The following TAF1 variants were observed in gnomAD, a reference collection of about 807,000 sequenced individuals.
TAF1 encodes the protein transcription initiation factor TFIID subunit 1.
Under a neutral mutation model 138.5 loss-of-function variants are expected in TAF1, and 2 were observed. That is an observed-to-expected ratio of 0.01 (90% CI 0.01 to 0.05). The LOEUF (loss-of-function observed/expected upper bound fraction) is 0.05, where lower values mean the gene tolerates loss of function less well. TAF1 is among the 10% of genes least tolerant of loss of function. TAF1 has a pLI of 1.00. For synonymous variants in TAF1, 437 were observed against 503.2 expected, an observed-to-expected ratio of 0.87 and a Z score of 1.76; for missense variants, 709 against 1,478.0, an observed-to-expected ratio of 0.48 and a Z score of 8.53.
intron 33 of TAF1, 45 bp downstream of exon 33, chrX:71,454,282 G>A (rs933213097): frequency 9.0e-7 from 1 of 1,112,109 alleles, no homozygotes; most frequent in Admixed American, 2.3e-5. Flanking sequence ...AACATAAGGA[G>A]ACCCCATCTT....
At chrX:71,497,632 T>G (rs2039420504) in intron 13 of TAF1, among the ~76,000 whole-genome samples, 1 of 111,584 alleles carries the variant, frequency 9.0e-6, no homozygotes, top group African/African-American at 3.3e-5. Flanking sequence ...CAAGAGCTAT[T>G]CCTGCTCTCT....
chrX:71,403,016 G>A (rs1472922609), intron 25 of TAF1, among the ~76,000 whole-genome samples: 3 of 108,998 alleles, frequency 2.8e-5, no homozygotes, highest in Middle Eastern at 4.7e-3. Flanking sequence ...TACCTTTTAT[G>A]TTTTCCTTTT....
At chrX:71,409,015 A>G (rs1177464815) in intron 28 of TAF1, among the ~76,000 whole-genome samples, 4 of 104,455 alleles carry the variant, frequency 3.8e-5, no homozygotes, top group Non-Finnish European at 5.9e-5. Context: ...CTCCGTCTCA[A>G]AAAAAAAAAA....
chrX:71,372,430 C>G (rs2033128609), intron 3 of TAF1, among the ~76,000 whole-genome samples: 1 of 42,659 alleles, frequency 2.3e-5, no homozygotes, highest in Non-Finnish European at 4.0e-5. Context: ...GAAACTCTGC[C>G]TCAAAAAAAA....
chrX:71,366,600 G>A (rs2032513578), intron 1 of TAF1, 106 bp downstream of exon 1: 2 of 834,514 alleles, frequency 2.4e-6, no homozygotes, highest in South Asian at 2.6e-5. Flanking sequence ...ACAGGGCGCA[G>A]CTAACGCCGG....
At chrX:71,467,618 G>A (rs866491777), downstream of TAF1, among the ~76,000 whole-genome samples, 4 of 111,510 alleles carry the variant, frequency 3.6e-5, no homozygotes, top group Middle Eastern at 4.6e-3. Flanking sequence ...AAACATTTTT[G>A]TAGGTCAAAA....
Position 71,423,965 on chromosome X carries a change from A to G in TAF1, c.4576-9A>G, listed in dbSNP as rs2036476944. ...TTCCATTTAATTTCTTATGCTTTCT[A>G]TTTACTAGTCTTGGCCATTTCATCA... On this transcript the variant is annotated splice_polypyrimidine_tract_variant and intron_variant, in intron 30 of 37. Coordinates refer to ENST00000423759, the MANE Select transcript of TAF1 (RefSeq NM_004606.5). 3.4e-6 allele frequency: 4 copies of G among 1,178,171 alleles called. No homozygotes were observed. The highest frequency in any genetic ancestry group is 6.0e-5 in the East Asian group (2 of 33,428).
downstream of TAF1, among the ~76,000 whole-genome samples, chrX:71,469,981 G>A (rs1468248264): frequency 1.8e-5 from 2 of 111,892 alleles, no homozygotes; most frequent in African/African-American, 6.5e-5. Flanking sequence ...GATTACAGGC[G>A]TGAGCCACCG....
chrX:71,486,396 T>C (rs1272462142), intron 13 of TAF1, among the ~76,000 whole-genome samples: 1 of 110,215 alleles, frequency 9.1e-6, no homozygotes, highest in Non-Finnish European at 1.9e-5. Flanking sequence ...TCTTGCTCTG[T>C]CACCCACGCT....
intron 13 of TAF1, among the ~76,000 whole-genome samples, chrX:71,514,936 T>A (rs1364206319): frequency 1.8e-5 from 2 of 111,653 alleles, no homozygotes; most frequent in Non-Finnish European, 3.8e-5. Context: ...TGACGCTAAG[T>A]GTGAGTACAG....
At chrX:71,429,636 G>C (rs1459617319) in intron 32 of TAF1, among the ~76,000 whole-genome samples, 1 of 111,374 alleles carries the variant, frequency 9.0e-6, no homozygotes, top group Non-Finnish European at 1.9e-5. Flanking sequence ...GTACCTGAAT[G>C]TATCATTCTG....
In TAF1 at chrX:71,520,689, C is replaced by CA. The variant is rs1234838881; in HGVS notation, c.1367-7840dup. Among the ~76,000 whole-genome samples the CA allele has an allele frequency of 4.3e-3, 90 of 21,036 alleles. 1 individual carries two copies. Among genetic ancestry groups the CA allele is most frequent in the African/African-American group, 0.01 (57 of 5,586 alleles). 18.3% of individuals were successfully genotyped at this position (21,036 alleles called of 115,157 possible). A position where few individuals can be genotyped will look rare whatever the true frequency, so the allele number is the denominator to read the frequency against. On this transcript the variant is annotated intron_variant and NMD_transcript_variant, in intron 13 of 14. Transcript: ENST00000373775. ...GACAGAGTGAGACTCAGTCTCAAAA[C>CA]AAAAAAAAAAAAAGATTTTAGTAAC...
chrX:71,461,374 G>A (rs1245600607), intron 37 of TAF1, among the ~76,000 whole-genome samples: 1 of 111,334 alleles, frequency 9.0e-6, no homozygotes, highest in African/African-American at 3.3e-5. Context: ...CTTAACCTGC[G>A]GGTAATAGGA....
intron 24 of TAF1, 37 bp from the exon 25 acceptor site, chrX:71,401,491 C>T (rs1281818117): frequency 1.7e-6 from 2 of 1,201,661 alleles, no homozygotes; most frequent in African/African-American, 1.8e-5. Context: ...TTTCAGCCTA[C>T]TTACCTCTGA....
intron 13 of TAF1, among the ~76,000 whole-genome samples, chrX:71,499,629 G>A (rs1472914763): frequency 1.8e-5 from 2 of 111,326 alleles, no homozygotes; most frequent in Middle Eastern, 4.7e-3. Flanking sequence ...CTAGAACGCA[G>A]GTCAGCATAT....
chrX:71,443,638 A>C (rs1007967675), intron 32 of TAF1, among the ~76,000 whole-genome samples: 12 of 111,883 alleles, frequency 1.1e-4, no homozygotes, highest in African/African-American at 3.2e-4. Context: ...TCTTTTCCTA[A>C]TTGAATATCC....
chrX:71,487,317 A>ATTT (rs60691914), intron 13 of TAF1, among the ~76,000 whole-genome samples: 111 of 54,977 alleles, frequency 2.0e-3, no homozygotes, highest in African/African-American at 3.8e-3. Context: ...TAATGTATGT[A>ATTT]TTTTTTTTTT....
At chrX:71,401,437 C>T (rs900109597) in intron 24 of TAF1, 91 bp from the exon 25 acceptor site, 38 of 1,072,608 alleles carry the variant, frequency 3.5e-5, no homozygotes, top group South Asian at 8.0e-5. Flanking sequence ...CCTGCATATA[C>T]TGAGGGATGA....
At chrX:71,488,015 CTTGT>C (rs932357516) in intron 13 of TAF1, among the ~76,000 whole-genome samples, 1 of 111,475 alleles carries the variant, frequency 9.0e-6, no homozygotes, top group Non-Finnish European at 1.9e-5. Flanking sequence ...CTTTTAAGCT[CTTGT>C]TTGTTTAGTT....
Sources: gnomAD v4.1 joint callset for allele counts (sites outside exome capture counted in the v4.1 genomes callset) on GRCh38, gnomAD v4.1.1 for gene constraint, MANE v1.5 for transcripts, NCBI Gene and HGNC (gene_info 2026-07-23, HGNC 2026-07-21) for gene names.